Variants in MAML2 observed in about 807,000 individuals in gnomAD.
The protein encoded by MAML2 is mastermind-like protein 2.
A neutral mutation model predicts 96.1 loss-of-function variants in MAML2; 22 were observed. That is an observed-to-expected ratio of 0.23 (90% CI 0.16 to 0.33). The LOEUF is 0.33. MAML2 is among the 10% of genes least tolerant of loss of function. The pLI is 1.00. For missense variants in MAML2, 1,367 were observed against 1,392.4 expected (o/e 0.98, Z 0.29); for synonymous variants, 561 against 521.3 (o/e 1.08, Z -1.04).
intron 2 of MAML2, among the ~76,000 whole-genome samples, chr11:96,001,952 C>T (rs1173189468): frequency 6.6e-6 from 1 of 152,108 alleles, no homozygotes; most frequent in Non-Finnish European, 1.5e-5. Flanking sequence ...ATCCTCTCTG[C>T]CTGGAACACT....
chr11:96,161,274 C>T (rs1861099441), intron 1 of MAML2, among the ~76,000 whole-genome samples: 1 of 152,152 alleles, frequency 6.6e-6, no homozygotes, highest in Non-Finnish European at 1.5e-5. Flanking sequence ...CAGCCTCCCC[C>T]ACACAAATCA....
intron 1 of MAML2, among the ~76,000 whole-genome samples, chr11:96,124,932 T>A (rs1395293961): frequency 6.6e-6 from 1 of 152,232 alleles, no homozygotes; most frequent in Non-Finnish European, 1.5e-5. Flanking sequence ...GGCTTCTGTT[T>A]CCTCCTGTGT....
intron 1 of MAML2, among the ~76,000 whole-genome samples, chr11:96,132,145 C>T (rs1860557930): frequency 6.6e-6 from 1 of 152,194 alleles, no homozygotes. Context: ...ATATTTTGTT[C>T]TCACCCATGT....
intron 1 of MAML2, among the ~76,000 whole-genome samples, chr11:96,110,196 A>AG (rs553697649): frequency 1.8e-4 from 27 of 152,300 alleles, no homozygotes; most frequent in African/African-American, 6.3e-4. Context: ...AGGTAAAAAA[A>AG]GGGAAACAAA....
At chr11:96,177,748 T>G (rs1367862663) in intron 1 of MAML2, among the ~76,000 whole-genome samples, 2 of 152,218 alleles carry the variant, frequency 1.3e-5, no homozygotes, top group Non-Finnish European at 2.9e-5. Context: ...CAAAAGGATT[T>G]CCATGAAAGA....
chr11:96,312,591 A>G (rs886137289), intron 1 of MAML2, among the ~76,000 whole-genome samples: 8 of 152,240 alleles, frequency 5.3e-5, no homozygotes, highest in Non-Finnish European at 8.8e-5. Flanking sequence ...AATATGCTAA[A>G]CTGAATTTCC....
intron 1 of MAML2, among the ~76,000 whole-genome samples, chr11:96,157,771 T>C (rs1861036065): frequency 6.6e-6 from 1 of 152,228 alleles, no homozygotes; most frequent in Non-Finnish European, 1.5e-5. Context: ...TACATGTGGG[T>C]TCCAAAAGAT....
intron 1 of MAML2, among the ~76,000 whole-genome samples, chr11:96,164,174 C>G (rs1861156942): frequency 6.6e-6 from 1 of 152,108 alleles, no homozygotes; most frequent in Non-Finnish European, 1.5e-5. Flanking sequence ...CCGTGCCCAG[C>G]CAATACTGCG....
At chr11:96,087,313 G>A (rs1044287250) in intron 2 of MAML2, among the ~76,000 whole-genome samples, 9 of 152,162 alleles carry the variant, frequency 5.9e-5, no homozygotes, top group African/African-American at 2.2e-4. Context: ...CTACATTCTA[G>A]TCAAGCACTA....
chr11:96,051,586 G>C (rs892810001), intron 2 of MAML2, among the ~76,000 whole-genome samples: 2 of 152,230 alleles, frequency 1.3e-5, no homozygotes, highest in Non-Finnish European at 2.9e-5. Context: ...CCCTCAACTA[G>C]TGTGTTATTT....
chr11:96,089,612 T>C (rs1859672594), intron 2 of MAML2, among the ~76,000 whole-genome samples: 1 of 152,176 alleles, frequency 6.6e-6, no homozygotes, highest in African/African-American at 2.4e-5. Flanking sequence ...TGTGTATACT[T>C]CCCTCCTAAA....
Position 96,142,166 on chromosome 11 carries a change from G to T in MAML2, c.514-48649C>A, listed in dbSNP as rs1370403653. Among the ~76,000 whole-genome samples the T allele has an allele frequency of 5.3e-5, 8 of 152,254 alleles. No individual in the cohort carries two copies. The East Asian group carries it at 1.4e-3, about 26-fold the overall frequency. On this transcript the variant is annotated intron_variant, in intron 1 of 4. Transcript: ENST00000524717. ...AATAATTTGCAAGCACATATGAGGG[G>T]CACCTAACCCCTCTTCAGTTTGGTA...
At chr11:96,064,717 AT>A (rs1332450451) in intron 2 of MAML2, among the ~76,000 whole-genome samples, 1 of 152,246 alleles carries the variant, frequency 6.6e-6, no homozygotes. Context: ...TCAGTGTGTC[AT>A]AAAATGTGGA....
At chr11:96,095,386 T>C (rs953317121) in intron 1 of MAML2, among the ~76,000 whole-genome samples, 1 of 152,228 alleles carries the variant, frequency 6.6e-6, no homozygotes, top group Non-Finnish European at 1.5e-5. Flanking sequence ...TAAATAGTTA[T>C]GGTGAATGTG....
rs993447576 is a variant in MAML2, at chr11:95,979,768, G to A, written c.2651C>T (p.Thr884Ile). The A allele has an allele frequency of 6.2e-7, 1 of 1,613,972 alleles. No individual in the cohort carries two copies. Among genetic ancestry groups the A allele is most frequent in the African/African-American group, 1.3e-5 (1 of 75,050 alleles). ...PCNQPNTYSVTSGMNQLTQQR... is the reference protein window; with the variant it reads ...PCNQPNTYSVISGMNQLTQQR... ...TTGGGTCAATTGATTCATTCCTGAA[G>A]TGACACTGTATGTGTTAGGTTGATT... The change falls in exon 5 of 5, where the codon ACT becomes ATT. Residue 884 changes from threonine (T) to isoleucine (I), a missense_variant. Coordinates refer to ENST00000524717, the MANE Select transcript of MAML2 (RefSeq NM_032427.4).
rs183924729 is a variant in MAML2 at position 96,107,876 on chromosome 11, C to T, written c.514-14359G>A. Among the ~76,000 whole-genome samples, 368 of 152,326 alleles carry T rather than the reference C, an allele frequency of 2.4e-3. 3 individuals are homozygous for T. Among genetic ancestry groups the T allele is most frequent in the Non-Finnish European group, 3.6e-3 (246 of 68,036 alleles). On this transcript the variant is annotated intron_variant, in intron 1 of 4. Coordinates refer to ENST00000524717, the MANE Select transcript of MAML2 (RefSeq NM_032427.4). Reference sequence around the variant, plus strand: ...CAGGGAGGGCATGGAAGCTTTGAGCCTCTTTCCACCAACCTTGCCATATGC... The same window carrying T: ...CAGGGAGGGCATGGAAGCTTTGAGCTTCTTTCCACCAACCTTGCCATATGC...
chr11:96,081,268 G>T (rs1859525257), intron 2 of MAML2, among the ~76,000 whole-genome samples: 1 of 151,566 alleles, frequency 6.6e-6, no homozygotes, highest in African/African-American at 2.4e-5. Flanking sequence ...CTGAATTAAA[G>T]TATAATACTG....
intron 2 of MAML2, among the ~76,000 whole-genome samples, chr11:96,037,709 G>A (rs564528025): frequency 6.6e-6 from 1 of 152,306 alleles, no homozygotes; most frequent in South Asian, 2.1e-4. Flanking sequence ...TTCTCCCAGA[G>A]GGAGCTGTGT....
At chr11:96,265,352 C>G (rs901407611) in intron 1 of MAML2, among the ~76,000 whole-genome samples, 1 of 152,170 alleles carries the variant, frequency 6.6e-6, no homozygotes, top group Admixed American at 6.5e-5. Context: ...AAGTGAATAA[C>G]TAGAATATGG....
Sources: gnomAD v4.1 joint callset for allele counts (sites outside exome capture counted in the v4.1 genomes callset) on GRCh38, gnomAD v4.1.1 for gene constraint, MANE v1.5 for transcripts, NCBI Gene and HGNC (gene_info 2026-07-23, HGNC 2026-07-21) for gene names.